Variants in HPSE2 observed in about 807,000 individuals in gnomAD.
The protein encoded by HPSE2 is heparanase 2 (inactive), also known as inactive heparanase-2.
A neutral mutation model predicts 60.5 loss-of-function variants in HPSE2; 38 were observed. The observed-to-expected ratio is 0.63, with a 90% CI of 0.48 to 0.82. HPSE2 has a LOEUF of 0.82. Ranked by LOEUF, HPSE2 falls within the 40% of genes least tolerant of loss-of-function variation. The pLI is 0.00. For synonymous variants in HPSE2, 295 were observed against 293.2 expected, an observed-to-expected ratio of 1.01 and a Z score of -0.06; for missense variants, 713 against 740.4, an observed-to-expected ratio of 0.96 and a Z score of 0.43.
intron 9 of HPSE2, among the ~76,000 whole-genome samples, chr10:98,590,029 A>G (rs867605446): frequency 3.3e-5 from 5 of 152,240 alleles, no homozygotes; most frequent in Admixed American, 3.3e-4. Flanking sequence ...TTAGAAAGTC[A>G]GCTGTTGGGT....
intron 5 of HPSE2, among the ~76,000 whole-genome samples, chr10:98,717,100 T>A (rs1014618537): frequency 6.6e-6 from 1 of 152,190 alleles, no homozygotes; most frequent in Admixed American, 6.6e-5. Context: ...GTTATGGATA[T>A]AGTTTATTTC....
chr10:99,040,540 CATTTT>C (rs1254049214), intron 3 of HPSE2, among the ~76,000 whole-genome samples: 1 of 152,024 alleles, frequency 6.6e-6, no homozygotes, highest in African/African-American at 2.4e-5. Context: ...CTTTACATAT[CATTTT>C]AACTTTACAT....
chr10:99,173,034 C>T (rs1391814219), intron 2 of HPSE2, among the ~76,000 whole-genome samples: 1 of 97,182 alleles, frequency 1.0e-5, no homozygotes, highest in Middle Eastern at 5.1e-3. Context: ...TTTAGAATAC[C>T]CCCTTTTCCA....
intron 6 of HPSE2, among the ~76,000 whole-genome samples, chr10:98,693,254 G>T (rs933264449): frequency 6.6e-6 from 1 of 152,196 alleles, no homozygotes; most frequent in African/African-American, 2.4e-5. Context: ...ACTGTTAAGG[G>T]CTGGACCTTC....
At chr10:99,170,033 A>C (rs1847249027) in intron 2 of HPSE2, among the ~76,000 whole-genome samples, 1 of 152,186 alleles carries the variant, frequency 6.6e-6, no homozygotes, top group South Asian at 2.1e-4. Context: ...AAACTATACA[A>C]AAACAGGTGG....
intron 2 of HPSE2, among the ~76,000 whole-genome samples, chr10:99,201,858 C>T (rs1386830363): frequency 6.6e-6 from 1 of 152,046 alleles, no homozygotes; most frequent in Admixed American, 6.6e-5. Flanking sequence ...TTTCCAGAGC[C>T]CTTCCAACTC....
intron 8 of HPSE2, among the ~76,000 whole-genome samples, chr10:98,617,116 A>T (rs1420299893): frequency 6.6e-6 from 1 of 152,224 alleles, no homozygotes; most frequent in African/African-American, 2.4e-5. Context: ...AAAACAATGA[A>T]GAAACACATA....
At position 99,184,815 on chromosome 10, in the gene HPSE2, TATATAGAGAGAGAGAGAG is replaced by T. The variant is rs1397443858; in HGVS notation, c.449-40434_449-40417del. Among the ~76,000 whole-genome samples the T allele has an allele frequency of 1.4e-3, 41 of 28,644 alleles. 6 individuals are homozygous for T. Among genetic ancestry groups the T allele is most frequent in the Middle Eastern group, 0.042 (2 of 48 alleles). 18.8% of individuals were successfully genotyped at this position (28,644 alleles called of 152,430 possible). A position where few individuals can be genotyped will look rare whatever the true frequency, so the allele number is the denominator to read the frequency against. ...ATATATATATATATATATATATATA[TATATAGAGAGAGAGAGAG>T]AGAGAGAGAGAGAGAGAGAGAGAGA... On this transcript the variant is annotated intron_variant, in intron 2 of 11. Transcript: ENST00000370552.
chr10:98,687,358 T>C (rs748321982), intron 6 of HPSE2, among the ~76,000 whole-genome samples: 1 of 152,210 alleles, frequency 6.6e-6, no homozygotes, highest in African/African-American at 2.4e-5. Flanking sequence ...CCAGCAATTG[T>C]AGGTCAAGTC....
intron 7 of HPSE2, among the ~76,000 whole-genome samples, chr10:98,640,422 T>C (rs1946608778): frequency 6.6e-6 from 1 of 152,304 alleles, no homozygotes; most frequent in East Asian, 1.9e-4. Context: ...GTTCAGAAGC[T>C]CTGAGGCTTC....
At chr10:98,506,910 A>AT (rs1469129380) in intron 9 of HPSE2, among the ~76,000 whole-genome samples, 1 of 152,102 alleles carries the variant, frequency 6.6e-6, no homozygotes, top group African/African-American at 2.4e-5. Context: ...AGAAGCCTTC[A>AT]TTTTTTACTC....
intron 1 of HPSE2, 52 bp downstream of exon 1, chr10:99,235,461 G>C: frequency 2.6e-6 from 4 of 1,520,082 alleles, no homozygotes; most frequent in Non-Finnish European, 3.7e-6. Context: ...GGAAGGGCTT[G>C]AGGGGGTGTT....
chr10:99,003,395 C>T (rs1956820598), intron 3 of HPSE2, among the ~76,000 whole-genome samples: 1 of 152,018 alleles, frequency 6.6e-6, no homozygotes, highest in Admixed American at 6.6e-5. Flanking sequence ...AATGATAGTT[C>T]TATCTTCAGT....
chr10:98,840,382 T>G (rs1951882172), intron 3 of HPSE2, among the ~76,000 whole-genome samples: 1 of 152,174 alleles, frequency 6.6e-6, no homozygotes, highest in Non-Finnish European at 1.5e-5. Flanking sequence ...CCTTGAAGTC[T>G]GAAAGTATGA....
chr10:99,160,898 CA>C (rs60506210), intron 2 of HPSE2, among the ~76,000 whole-genome samples: 27 of 55,438 alleles, frequency 4.9e-4, no homozygotes, highest in Middle Eastern at 0.014. Flanking sequence ...GACTCCGTCT[CA>C]AAAAAAAAAA....
chr10:98,749,575 G>A (rs1244200405), intron 3 of HPSE2, among the ~76,000 whole-genome samples: 1 of 151,418 alleles, frequency 6.6e-6, no homozygotes, highest in Non-Finnish European at 1.5e-5. Flanking sequence ...AATAGTGCCA[G>A]CTTTATGATG....
intron 3 of HPSE2, among the ~76,000 whole-genome samples, chr10:98,756,012 A>C (rs1314995396): frequency 6.6e-6 from 1 of 152,148 alleles, no homozygotes; most frequent in African/African-American, 2.4e-5. Context: ...CAAAAAACAA[A>C]CAAAAAAGAT....
the HPSE2 span, among the ~76,000 whole-genome samples, chr10:99,312,987 T>C: frequency 6.6e-6 from 1 of 152,178 alleles, no homozygotes; most frequent in Non-Finnish European, 1.5e-5. Context: ...TGAGATCTAG[T>C]CGTTTATGCC....
intron 3 of HPSE2, chr10:99,013,301 C>T: frequency 1.6e-6 from 1 of 622,466 alleles, no homozygotes; most frequent in South Asian, 1.5e-5. Context: ...TTCTTAGGTC[C>T]TCATGTGCTA....
Sources: gnomAD v4.1 joint callset for allele counts (sites outside exome capture counted in the v4.1 genomes callset) on GRCh38, gnomAD v4.1.1 for gene constraint, MANE v1.5 for transcripts, NCBI Gene and HGNC (gene_info 2026-07-23, HGNC 2026-07-21) for gene names.